GSTCD: variants seen among roughly 807,000 people sequenced by gnomAD.
GSTCD encodes glutathione S-transferase C-terminal domain-containing protein.
GSTCD carries 44 observed loss-of-function variants against 68.3 expected under a neutral mutation model. The ratio of observed to expected loss-of-function variants is 0.64; its 90% CI spans 0.51 to 0.83. GSTCD has a LOEUF of 0.83. GSTCD is among the 40% of genes least tolerant of loss of function. The pLI is 0.00. For synonymous variants in GSTCD, 273 were observed against 255.2 expected, an observed-to-expected ratio of 1.07 and a Z score of -0.67; for missense variants, 739 against 735.9, an observed-to-expected ratio of 1.00 and a Z score of -0.05.
chr4:105,766,186 C>T (rs1034544661), intron 5 of GSTCD, among the ~76,000 whole-genome samples: 4 of 152,130 alleles, frequency 2.6e-5, no homozygotes, highest in African/African-American at 9.7e-5. Flanking sequence ...ATGGTAACAG[C>T]AGGAAGCTGC....
At position 105,759,829 on chromosome 4, in the gene GSTCD, C is replaced by CT. The variant is rs546531643; in HGVS notation, c.1240+30336dup. 9.4e-3 allele frequency among the ~76,000 whole-genome samples: 1,425 copies of CT among 152,076 alleles called. 10 individuals carry two copies. The highest frequency in any genetic ancestry group is 0.017 in the Non-Finnish European group (1,125 of 67,970). The stretch of plus-strand genomic sequence containing the variant: ...CATGTGGACTTAAACAAAAAATTGA[C>CT]TTTTTTGATTAATATAATACAATGA... On this transcript the variant is annotated intron_variant, in intron 5 of 11. Transcript: ENST00000515279.
chr4:105,728,531 C>T (rs909512242), intron 4 of GSTCD, among the ~76,000 whole-genome samples: 2 of 152,022 alleles, frequency 1.3e-5, no homozygotes, highest in African/African-American at 2.4e-5. Context: ...CTATTTCCTT[C>T]GGGACACAAA....
chr4:105,788,260 A>G (rs986119562), intron 5 of GSTCD, among the ~76,000 whole-genome samples: 1 of 151,990 alleles, frequency 6.6e-6, no homozygotes, highest in African/African-American at 2.4e-5. Flanking sequence ...TACATTTTCC[A>G]TTAGATTCAT....
At chr4:105,778,572 C>T (rs1158824820) in intron 5 of GSTCD, among the ~76,000 whole-genome samples, 1 of 151,794 alleles carries the variant, frequency 6.6e-6, no homozygotes, top group Admixed American at 6.6e-5. Flanking sequence ...TTTTTTTCCC[C>T]ACTGGTATAG....
At chr4:105,844,668 A>G (rs1724482738) in intron 11 of GSTCD, among the ~76,000 whole-genome samples, 1 of 152,248 alleles carries the variant, frequency 6.6e-6, no homozygotes, top group South Asian at 2.1e-4. Context: ...GAAGAAGCTT[A>G]TATATTGAAT....
chr4:105,734,368 T>C (rs1733378086), intron 5 of GSTCD, among the ~76,000 whole-genome samples: 1 of 152,228 alleles, frequency 6.6e-6, no homozygotes, highest in South Asian at 2.1e-4. Context: ...CCATATTTCT[T>C]GGAGGCTTTG....
chr4:105,791,458 T>C (rs1735673432), intron 5 of GSTCD, among the ~76,000 whole-genome samples: 1 of 151,744 alleles, frequency 6.6e-6, no homozygotes, highest in South Asian at 2.1e-4. Context: ...TGGTTGTTGA[T>C]GAGTAAAACA....
At chr4:105,836,837 A>G (rs1056216116) in intron 9 of GSTCD, among the ~76,000 whole-genome samples, 33 of 152,226 alleles carry the variant, frequency 2.2e-4, no homozygotes, top group Admixed American at 9.8e-4. Flanking sequence ...TTCTTTGTGA[A>G]TAAGACCTAT....
At chr4:105,727,297 G>A (rs1035787143) in intron 4 of GSTCD, among the ~76,000 whole-genome samples, 1 of 151,944 alleles carries the variant, frequency 6.6e-6, no homozygotes, top group Non-Finnish European at 1.5e-5. Context: ...ACTGAGGCAG[G>A]TGGATCACTT....
intron 5 of GSTCD, among the ~76,000 whole-genome samples, chr4:105,747,737 A>C (rs754585795): frequency 6.6e-6 from 1 of 152,154 alleles, no homozygotes; most frequent in Non-Finnish European, 1.5e-5. Context: ...TGTAAATAAA[A>C]ATAATGGTCT....
chr4:105,813,446 G>A (rs1012386346), intron 5 of GSTCD, among the ~76,000 whole-genome samples: 1 of 152,084 alleles, frequency 6.6e-6, no homozygotes, highest in African/African-American at 2.4e-5. Flanking sequence ...TTAAAATGTT[G>A]CATAAAATTA....
At chr4:105,818,435 A>G (rs1723112828) in intron 5 of GSTCD, among the ~76,000 whole-genome samples, 1 of 151,910 alleles carries the variant, frequency 6.6e-6, no homozygotes, top group Non-Finnish European at 1.5e-5. Flanking sequence ...ATAAGGTGTG[A>G]GAAATTCAAA....
At chr4:105,840,937 A>G (rs1337484720) in intron 10 of GSTCD, among the ~76,000 whole-genome samples, 1 of 152,160 alleles carries the variant, frequency 6.6e-6, no homozygotes, top group African/African-American at 2.4e-5. Context: ...GCCAAGAACT[A>G]GCTACCACCC....
intron 5 of GSTCD, among the ~76,000 whole-genome samples, chr4:105,773,460 A>T (rs1387926189): frequency 6.6e-6 from 1 of 152,012 alleles, no homozygotes; most frequent in Non-Finnish European, 1.5e-5. Flanking sequence ...TAGGGTGTTG[A>T]TTTTAGATCT....
At chr4:105,791,116 G>A (rs1457587496) in intron 5 of GSTCD, among the ~76,000 whole-genome samples, 1 of 151,878 alleles carries the variant, frequency 6.6e-6, no homozygotes, top group Admixed American at 6.6e-5. Context: ...GGGGCTGGCC[G>A]GGCACGGTGG....
chr4:105,783,108 G>T (rs1735342368), intron 5 of GSTCD, among the ~76,000 whole-genome samples: 1 of 152,122 alleles, frequency 6.6e-6, no homozygotes, highest in African/African-American at 2.4e-5. Context: ...CCTCCTAGAG[G>T]CATAAATTTG....
At chr4:105,780,141 A>G (rs1578468684) in intron 5 of GSTCD, among the ~76,000 whole-genome samples, 1 of 152,190 alleles carries the variant, frequency 6.6e-6, no homozygotes, top group African/African-American at 2.4e-5. Flanking sequence ...TGTTTCTGCC[A>G]TTTCTCATGA....
chr4:105,819,238 A>G (rs1222851270), intron 5 of GSTCD, among the ~76,000 whole-genome samples: 1 of 151,708 alleles, frequency 6.6e-6, no homozygotes, highest in Non-Finnish European at 1.5e-5. Context: ...AGTTAATTGT[A>G]GTTTTCTCCT....
intron 5 of GSTCD, among the ~76,000 whole-genome samples, chr4:105,777,267 A>G (rs1481953330): frequency 2.0e-5 from 3 of 152,190 alleles, no homozygotes; most frequent in African/African-American, 4.8e-5. Flanking sequence ...ATAATTTTGT[A>G]TTTAATCTTA....
Sources: allele counts gnomAD v4.1 joint callset (sites outside exome capture counted in the v4.1 genomes callset), GRCh38; gene constraint gnomAD v4.1.1; transcripts MANE v1.5; gene names NCBI Gene and HGNC (gene_info 2026-07-23, HGNC 2026-07-21).